The following MCF2L2 variants were observed in gnomAD, a reference collection of about 807,000 sequenced individuals.
The protein encoded by MCF2L2 is probable guanine nucleotide exchange factor MCF2L2.
MCF2L2 carries 102 observed loss-of-function variants against 150.2 expected under a neutral mutation model. The observed-to-expected ratio is 0.68, with a 90% CI of 0.58 to 0.80. The LOEUF is 0.80. Among genes scored for constraint, MCF2L2 ranks in the 30% least tolerant of loss-of-function variants. The pLI is 0.00. For missense variants in MCF2L2, 1,256 were observed against 1,372.8 expected, an observed-to-expected ratio of 0.91 and a Z score of 1.34; for synonymous variants, 465 against 491.3, an observed-to-expected ratio of 0.95 and a Z score of 0.71.
intron 15 of MCF2L2, among the ~76,000 whole-genome samples, chr3:183,249,322 C>T (rs529302688): frequency 6.6e-6 from 1 of 152,260 alleles, no homozygotes; most frequent in South Asian, 2.1e-4. Context: ...GGTATCAGGC[C>T]ATTTTCACAG....
In MCF2L2 at chr3:183,206,206, T is replaced by G; in HGVS notation, c.2721A>C (p.Thr907=). The part of the protein sequence containing the change: ...YSFKKTMKLM[T]LSIRQLGRGS... The stretch of plus-strand genomic sequence containing the variant: ...CCCTTCCAAGCTGGCGAATTGAAAG[T>G]GTCATCAGCTATTATAAAGAGGGAA... Residue 907 remains threonine (T), a synonymous_variant, in exon 24 of 30, where the codon ACA becomes ACC. Coordinates refer to ENST00000328913, the MANE Select transcript of MCF2L2 (RefSeq NM_015078.4). 1 of 1,613,044 alleles carries G rather than the reference T, an allele frequency of 6.2e-7. No individual in the cohort carries two copies. Among genetic ancestry groups the G allele is most frequent in the East Asian group, 2.2e-5 (1 of 44,872 alleles).
chr3:183,268,513 G>T (rs1726379445), intron 15 of MCF2L2, among the ~76,000 whole-genome samples: 1 of 152,018 alleles, frequency 6.6e-6, no homozygotes, highest in Non-Finnish European at 1.5e-5. Flanking sequence ...AGAAAATGGG[G>T]GGGGCGGTTC....
rs1044078496 is a variant in MCF2L2, at chr3:183,381,853, CAGTTTCACAACTATGGGA to C, written c.161-2460_161-2443del. Among the ~76,000 whole-genome samples, 122 of 152,286 alleles carry C rather than the reference CAGTTTCACAACTATGGGA, an allele frequency of 8.0e-4. 1 individual carries two copies. Among genetic ancestry groups the C allele is most frequent in the Non-Finnish European group, 1.2e-3 (83 of 68,028 alleles). On this transcript the variant is annotated intron_variant, in intron 2 of 29. Coordinates refer to ENST00000328913, the MANE Select transcript of MCF2L2 (RefSeq NM_015078.4). ...CATCTAATAATATTCTTCCTCTTTG[CAGTTTCACAACTATGGGA>C]AGTTTCAGAGAAATGTGCATTCAGA...
chr3:183,211,979 T>C (rs796669536), intron 22 of MCF2L2, among the ~76,000 whole-genome samples: 3 of 152,288 alleles, frequency 2.0e-5, no homozygotes, highest in African/African-American at 4.8e-5. Context: ...GGGGTTGCCC[T>C]GGGTTAGGAT....
intron 1 of MCF2L2, among the ~76,000 whole-genome samples, chr3:183,408,686 C>A (rs1316156001): frequency 6.6e-6 from 1 of 152,180 alleles, no homozygotes; most frequent in Admixed American, 6.5e-5. Context: ...AAAGAGAAAG[C>A]TAAAATGAAT....
chr3:183,224,013 C>T, intron 19 of MCF2L2, 85 bp downstream of exon 19: 1 of 967,886 alleles, frequency 1.0e-6, no homozygotes, highest in South Asian at 1.3e-5. Context: ...TGCCAAGTTC[C>T]TCTCCCTAGT....
chr3:183,389,157 G>C (rs1266536061), intron 2 of MCF2L2, among the ~76,000 whole-genome samples: 2 of 152,146 alleles, frequency 1.3e-5, no homozygotes, highest in Non-Finnish European at 2.9e-5. Context: ...TTCAAGTCAT[G>C]ACAACCTTTC....
At chr3:183,383,395 C>T (rs971126399) in intron 2 of MCF2L2, among the ~76,000 whole-genome samples, 3 of 152,148 alleles carry the variant, frequency 2.0e-5, no homozygotes. Context: ...CCACCACACC[C>T]GGCTAATTTT....
intron 3 of MCF2L2, among the ~76,000 whole-genome samples, chr3:183,366,789 C>A (rs562389795): frequency 6.6e-6 from 1 of 152,176 alleles, no homozygotes; most frequent in Admixed American, 6.5e-5. Context: ...TGCAGTAGAT[C>A]TAGACAGCAA....
intron 21 of MCF2L2, among the ~76,000 whole-genome samples, chr3:183,219,220 T>A (rs527511465): frequency 4.5e-4 from 68 of 152,310 alleles, no homozygotes; most frequent in African/African-American, 1.6e-3. Flanking sequence ...AACATAATCC[T>A]ACCATTCAGG....
Position 183,331,578 on chromosome 3 carries a change from T to C in MCF2L2, c.486+7222A>G, listed in dbSNP as rs568156737. Among the ~76,000 whole-genome samples, 42 of 152,378 alleles carry C rather than the reference T, an allele frequency of 2.8e-4. 1 individual carries two copies. The highest frequency in any genetic ancestry group is 9.4e-4 in the African/African-American group (39 of 41,594). ...TGCACAAGAAGCATTTCCTGTATTC[T>C]GACACAAACTCCATTTTAAGCAACC... On this transcript the variant is annotated intron_variant, in intron 5 of 29. Coordinates refer to ENST00000328913, the MANE Select transcript of MCF2L2 (RefSeq NM_015078.4).
intron 13 of MCF2L2, 80 bp downstream of exon 13, chr3:183,295,220 A>T: frequency 7.1e-7 from 1 of 1,405,882 alleles, no homozygotes; most frequent in Non-Finnish European, 9.7e-7. Context: ...ACCATTATCC[A>T]TTGTAGACAA....
intron 7 of MCF2L2, among the ~76,000 whole-genome samples, chr3:183,313,665 C>T (rs78764401): frequency 0.031 from 4,714 of 152,176 alleles, 261 homozygotes; most frequent in African/African-American, 0.11. Context: ...AGAAAATAAA[C>T]TTTTTGGGTA....
chr3:183,310,101 C>T (rs188285967), intron 9 of MCF2L2, among the ~76,000 whole-genome samples: 3 of 152,230 alleles, frequency 2.0e-5, no homozygotes, highest in Admixed American at 2.0e-4. Context: ...TGGCTCATGC[C>T]TATAATCACA....
chr3:183,295,855 A>C (rs1728472022), intron 12 of MCF2L2, among the ~76,000 whole-genome samples: 1 of 152,094 alleles, frequency 6.6e-6, no homozygotes, highest in African/African-American at 2.4e-5. Context: ...CTACTTGAGA[A>C]GCTGAGGCAG....
chr3:183,292,558 C>T (rs1283327430), intron 13 of MCF2L2, among the ~76,000 whole-genome samples: 3 of 121,770 alleles, frequency 2.5e-5, no homozygotes, highest in African/African-American at 6.9e-5. Flanking sequence ...GGGGTATGTA[C>T]ACACACACAC....
chr3:183,419,781 G>A (rs1365932697), intron 1 of MCF2L2, among the ~76,000 whole-genome samples: 2 of 152,192 alleles, frequency 1.3e-5, no homozygotes, highest in Admixed American at 6.5e-5. Context: ...GCTGAAACAC[G>A]AGAATCACTT....
At chr3:183,194,990 C>T (rs111898750) in intron 26 of MCF2L2, among the ~76,000 whole-genome samples, 3,590 of 152,032 alleles carry the variant, frequency 0.024, 129 homozygotes, top group African/African-American at 0.082. Flanking sequence ...ACCATGTTGC[C>T]CAGGCTGGTC....
intron 3 of MCF2L2, among the ~76,000 whole-genome samples, chr3:183,346,964 T>C (rs774657788): frequency 2.6e-5 from 4 of 152,142 alleles, no homozygotes; most frequent in African/African-American, 4.8e-5. Flanking sequence ...ATCAATATCA[T>C]GAAAATGGCC....
Sources: gnomAD v4.1 joint callset for allele counts (sites outside exome capture counted in the v4.1 genomes callset) on GRCh38, gnomAD v4.1.1 for gene constraint, MANE v1.5 for transcripts, NCBI Gene and HGNC (gene_info 2026-07-23, HGNC 2026-07-21) for gene names.